Variants in PCM1 observed in about 807,000 individuals in gnomAD.
PCM1 encodes pericentriolar material 1.
PCM1 carries 157 observed loss-of-function variants against 241.9 expected under a neutral mutation model. The ratio of observed to expected loss-of-function variants is 0.65; its 90% CI spans 0.57 to 0.74. The LOEUF (loss-of-function observed/expected upper bound fraction) is 0.74. Ranked by LOEUF, PCM1 falls within the 30% of genes least tolerant of loss-of-function variation. The pLI, the probability that PCM1 is intolerant of heterozygous loss-of-function variation, is 0.00. For missense variants in PCM1, 3,478 were observed against 2,360.1 expected (o/e 1.47, Z -9.81); for synonymous variants, 1,085 against 784.9 (o/e 1.38, Z -6.39).
intron 6 of PCM1, among the ~76,000 whole-genome samples, chr8:17,942,024 C>A (rs1002985770): frequency 1.4e-4 from 21 of 151,906 alleles, no homozygotes; most frequent in African/African-American, 4.4e-4. Flanking sequence ...TTGTTATATA[C>A]CTCTCCATGG....
At chr8:17,999,438 T>C (rs115173374) in intron 29 of PCM1, among the ~76,000 whole-genome samples, 1,616 of 151,622 alleles carry the variant, frequency 0.011, 26 homozygotes, top group African/African-American at 0.037. Context: ...TGGGCCAGAG[T>C]GTATCTAAAA....
chr8:17,950,188 C>G (rs970034901), intron 7 of PCM1, among the ~76,000 whole-genome samples: 3 of 152,182 alleles, frequency 2.0e-5, no homozygotes, highest in African/African-American at 7.2e-5. Context: ...ACTATTTCAA[C>G]CTTTAAGCAA....
chr8:17,939,757 G>C lies in PCM1; in HGVS notation c.679G>C (p.Val227Leu). ...TKASSMREDLVEKNERSANVE... is the reference protein window; with the variant it reads ...TKASSMREDLLEKNERSANVE... ...AGCTAGTTCCATGCGGGAAGATCTT[G>C]TAGAGAAAAATGAGAGATCTGCTAA... The change falls in exon 6 of 39, where the codon GTA becomes CTA. Residue 227 changes from valine to leucine, a missense_variant. Transcript: ENST00000325083. 9 of 1,556,898 alleles carry C rather than the reference G, an allele frequency of 5.8e-6. No individual in the cohort carries two copies. Among genetic ancestry groups the C allele is most frequent in the Non-Finnish European group, 7.9e-6 (9 of 1,146,348 alleles).
At chr8:17,927,559 T>C (rs1415049750) in intron 2 of PCM1, 6 of 152,162 alleles carry the variant, frequency 3.9e-5, no homozygotes, top group Non-Finnish European at 8.8e-5. Flanking sequence ...CAACGGGATG[T>C]TCTTTTTTTT....
In PCM1 at chr8:17,975,099, T is replaced by A. The variant is rs77445490; in HGVS notation, c.3943+2412T>A. On this transcript the variant is annotated intron_variant, in intron 23 of 38. Coordinates refer to ENST00000325083, the MANE Select transcript of PCM1 (RefSeq NM_006197.4). ...GTATGTATTTTTCTTCAGTATGCAT[T>A]TTGGCAAGATTTTTGGTATGAAGAT... Among the ~76,000 whole-genome samples, 1,054 of 152,264 alleles carry A rather than the reference T, an allele frequency of 6.9e-3. 37 individuals are homozygous for A. Among genetic ancestry groups the A allele is most frequent in the East Asian group, 0.048 (249 of 5,176 alleles).
intron 16 of PCM1, 81 bp from the exon 17 acceptor site, chr8:17,963,020 G>A (rs1014970351): frequency 1.7e-5 from 16 of 942,686 alleles, no homozygotes; most frequent in Admixed American, 4.9e-5. Context: ...TGTTGATACT[G>A]ACAATACTAG....
rs1563941568 is a variant in PCM1, at chr8:17,960,303, A to T, written c.2193-12A>T. 1 of 1,594,222 alleles carries T rather than the reference A, an allele frequency of 6.3e-7. No individual in the cohort carries two copies. The highest frequency in any genetic ancestry group is 1.2e-5 in the South Asian group (1 of 86,422). On this transcript the variant is annotated splice_polypyrimidine_tract_variant and intron_variant, in intron 14 of 38. Transcript: ENST00000325083. ...ATTGGAGTCCATAAATATAATGTCA[A>T]TTTAATTGTAGAGAGAAATTTTATG...
chr8:18,009,677 T>TAA lies in PCM1; in HGVS notation c.5094_5095dup (p.Thr1699LysfsTer11). On this transcript the variant is annotated frameshift_variant, in exon 31 of 39. Coordinates refer to ENST00000325083, the MANE Select transcript of PCM1 (RefSeq NM_006197.4). LOFTEE classifies it high-confidence loss of function. The stretch of plus-strand genomic sequence containing the variant: ...ATGCAAGATTTGGATAATAATAGTA[T>TAA]AACTGTTAAACAGAGATGCAAAAGG... 6.4e-7 allele frequency: 1 copy of TAA among 1,569,422 alleles called. No individual in the cohort carries two copies. Among genetic ancestry groups the TAA allele is most frequent in the Non-Finnish European group, 8.6e-7 (1 of 1,159,010 alleles).
At chr8:17,945,695 G>C (rs2063529593) in intron 6 of PCM1, among the ~76,000 whole-genome samples, 3 of 152,122 alleles carry the variant, frequency 2.0e-5, no homozygotes, top group Admixed American at 2.0e-4. Flanking sequence ...GTATTGTAAA[G>C]GATGTCACCC....
At chr8:17,938,583 T>A (rs17125992) in intron 4 of PCM1, among the ~76,000 whole-genome samples, 157 bp from the exon 5 acceptor site, 8,381 of 152,246 alleles carry the variant, frequency 0.055, 779 homozygotes, top group African/African-American at 0.19. Flanking sequence ...AGTGAAAGAC[T>A]GTTACAGAGC....
In PCM1 at chr8:17,957,580, T is replaced by C; in HGVS notation, c.1845T>C (p.Val615=). Residue 615 remains valine (V), a synonymous_variant, in exon 13 of 39, where the codon GTT becomes GTC. Transcript: ENST00000325083. Reference sequence around the variant, plus strand: ...GAGAAGGGGAACAGGAGATTCATGTTGCACAAGGTGAAGATGATGAGGAGG... The same window carrying C: ...GAGAAGGGGAACAGGAGATTCATGTCGCACAAGGTGAAGATGATGAGGAGG... ...YNREGEQEIH[V]AQGEDDEEEE... 5 of 1,572,576 alleles carry C rather than the reference T, an allele frequency of 3.2e-6. No homozygotes were observed. Among genetic ancestry groups the C allele is most frequent in the Admixed American group, 1.9e-5 (1 of 52,584 alleles).
At chr8:18,025,702 G>C (rs746266862) in intron 38 of PCM1, 44 bp downstream of exon 38, 2 of 1,107,190 alleles carry the variant, frequency 1.8e-6, no homozygotes, top group Non-Finnish European at 1.3e-6. Flanking sequence ...AAAAATCATT[G>C]AATCTTCATA....
chr8:18,024,146 A>G (rs118140067), intron 36 of PCM1, among the ~76,000 whole-genome samples: 2,596 of 152,330 alleles, frequency 0.017, 40 homozygotes, highest in South Asian at 0.044. Flanking sequence ...CTTTTGTTGG[A>G]TAGAACTAAA....
intron 35 of PCM1, among the ~76,000 whole-genome samples, 160 bp downstream of exon 35, chr8:18,014,196 G>GA (rs2092882362): frequency 6.6e-6 from 1 of 151,054 alleles, no homozygotes; most frequent in Non-Finnish European, 1.5e-5. Context: ...ATCCTTTGTA[G>GA]AAAACATAAG....
At chr8:17,933,124 A>G (rs1448870508) in intron 2 of PCM1, among the ~76,000 whole-genome samples, 1 of 152,238 alleles carries the variant, frequency 6.6e-6, no homozygotes, top group Admixed American at 6.5e-5. Context: ...CCTACATCAT[A>G]GAATTGTTGT....
intron 6 of PCM1, among the ~76,000 whole-genome samples, chr8:17,945,498 C>G (rs934406124): frequency 4.6e-5 from 7 of 152,130 alleles, no homozygotes; most frequent in Admixed American, 1.3e-4. Context: ...ATGAAATAAT[C>G]TAATTATAGC....
Position 18,014,647 on chromosome 8 carries a change from T to C in PCM1, c.5648T>C (p.Leu1883Ser). ...AATATCTTGGAAGATGAGCAACCTT[T>C]AAATAGTGCTGCCCATAAGGAGTCA... ...YLNILEDEQP[L>S]NSAAHKESPP... Residue 1883 changes from leucine (L) to serine (S), a missense_variant, in exon 36 of 39, where the codon TTA becomes TCA. Coordinates refer to ENST00000325083, the MANE Select transcript of PCM1 (RefSeq NM_006197.4). 2 of 1,613,600 alleles carry C rather than the reference T, an allele frequency of 1.2e-6. No homozygotes were observed. The highest frequency in any genetic ancestry group is 1.6e-4 in the Middle Eastern group (1 of 6,062).
At chr8:17,937,692 A>G (rs403346) in intron 4 of PCM1, among the ~76,000 whole-genome samples, 12,094 of 152,176 alleles carry the variant, frequency 0.079, 735 homozygotes, top group African/African-American at 0.16. Context: ...TAAGTAATGG[A>G]AAGTTCCAGT....
chr8:17,954,200 G>C (rs960237581), intron 9 of PCM1, among the ~76,000 whole-genome samples: 21 of 152,290 alleles, frequency 1.4e-4, no homozygotes, highest in Middle Eastern at 3.4e-3. Flanking sequence ...GGCTGAGGCG[G>C]GTGGATCACC....
Sources: allele counts gnomAD v4.1 joint callset (sites outside exome capture counted in the v4.1 genomes callset), GRCh38; gene constraint gnomAD v4.1.1; transcripts MANE v1.5; gene names NCBI Gene and HGNC (gene_info 2026-07-23, HGNC 2026-07-21).